Variants in ZNF536 observed in about 807,000 individuals in gnomAD.
The protein encoded by ZNF536 is zinc finger protein 536.
Under a neutral mutation model 84.5 loss-of-function variants are expected in ZNF536, and 13 were observed. That is an observed-to-expected ratio of 0.15 (90% confidence interval 0.10 to 0.24). The LOEUF (loss-of-function observed/expected upper bound fraction) is 0.24. Ranked by LOEUF, ZNF536 falls within the 10% of genes least tolerant of loss-of-function variation. The pLI is 1.00. For synonymous variants in ZNF536, 811 were observed against 742.5 expected (o/e 1.09, Z -1.50); for missense variants, 1,536 against 1,747.5 (o/e 0.88, Z 2.16).
chr19:30,398,245 A>G (rs1445186133), intron 1 of ZNF536, among the ~76,000 whole-genome samples: 7 of 152,066 alleles, frequency 4.6e-5, no homozygotes, highest in African/African-American at 7.2e-5. Context: ...TCCCTCATCT[A>G]CCCATTTCCA....
chr19:30,572,927 T>G (rs12972393), intron 1 of ZNF536, among the ~76,000 whole-genome samples: 2 of 152,280 alleles, frequency 1.3e-5, no homozygotes, highest in Middle Eastern at 3.4e-3. Context: ...CAAATTCACC[T>G]GGAAAACGTG....
chr19:30,558,115 A>G (rs1340010023), downstream of ZNF536: 1 of 152,128 alleles, frequency 6.6e-6, no homozygotes, highest in Non-Finnish European at 1.5e-5. Flanking sequence ...TCACCCCGAC[A>G]TTCTTCTCAC....
At chr19:30,485,774 A>G (rs2054281396) in intron 2 of ZNF536, among the ~76,000 whole-genome samples, 1 of 152,224 alleles carries the variant, frequency 6.6e-6, no homozygotes, top group African/African-American at 2.4e-5. Flanking sequence ...TTTGTAAAGT[A>G]GAAAATCAAA....
At chr19:30,624,952 G>A (rs936152497) in intron 1 of ZNF536, among the ~76,000 whole-genome samples, 29 of 152,122 alleles carry the variant, frequency 1.9e-4, no homozygotes, top group Non-Finnish European at 4.0e-4. Context: ...TGTGAAAAAG[G>A]ACATGTTTGC....
At chr19:30,355,990 G>A (rs1227727412) in intron 3 of ZNF536, among the ~76,000 whole-genome samples, 2 of 152,214 alleles carry the variant, frequency 1.3e-5, no homozygotes, top group Non-Finnish European at 2.9e-5. Context: ...GCCTCCCAAA[G>A]TGCAGAGATT....
chr19:30,625,977 C>T (rs1028367328), intron 1 of ZNF536, among the ~76,000 whole-genome samples: 3 of 152,198 alleles, frequency 2.0e-5, no homozygotes, highest in African/African-American at 7.2e-5. Context: ...GATTTTTTTC[C>T]ACACATGTGG....
chr19:30,280,889 T>C (rs2045418496), intron 1 of ZNF536, among the ~76,000 whole-genome samples: 3 of 152,154 alleles, frequency 2.0e-5, no homozygotes, highest in Non-Finnish European at 2.9e-5. Flanking sequence ...CCTGCTTTGG[T>C]GGACAGAGGG....
At chr19:30,234,169 A>G (rs181582729) in intron 1 of ZNF536, among the ~76,000 whole-genome samples, 1 of 152,332 alleles carries the variant, frequency 6.6e-6, no homozygotes, top group Admixed American at 6.5e-5. Flanking sequence ...AGGAGAAATG[A>G]TCACCGTAGG....
At chr19:30,360,694 C>T (rs186846099) in intron 3 of ZNF536, among the ~76,000 whole-genome samples, 65 of 152,312 alleles carry the variant, frequency 4.3e-4, no homozygotes, top group African/African-American at 1.4e-3. Context: ...ACTCGGGGTC[C>T]GACTTCCCAG....
At chr19:30,333,673 C>T (rs1191186965) in intron 2 of ZNF536, among the ~76,000 whole-genome samples, 1 of 152,190 alleles carries the variant, frequency 6.6e-6, no homozygotes, top group Admixed American at 6.5e-5. Flanking sequence ...ACCTCACTCA[C>T]ACCTTGAGCC....
intron 2 of ZNF536, among the ~76,000 whole-genome samples, chr19:30,287,213 G>A (rs2045660015): frequency 6.6e-6 from 1 of 150,778 alleles, no homozygotes; most frequent in Non-Finnish European, 1.5e-5. Context: ...ATACATAGAT[G>A]GGTGGATGGA....
At chr19:30,568,156 A>G (rs1422133096) in intron 1 of ZNF536, among the ~76,000 whole-genome samples, 1 of 152,240 alleles carries the variant, frequency 6.6e-6, no homozygotes, top group East Asian at 1.9e-4. Context: ...TAAAGAGATA[A>G]AAATGGCAAT....
chr19:30,458,300 C>T (rs1244976523), intron 2 of ZNF536, among the ~76,000 whole-genome samples: 2 of 152,032 alleles, frequency 1.3e-5, no homozygotes, highest in Non-Finnish European at 2.9e-5. Flanking sequence ...ATTTTTCCTT[C>T]ATCTTTCAAT....
At chr19:30,438,085 C>G (rs548906318) in intron 1 of ZNF536, among the ~76,000 whole-genome samples, 1 of 152,278 alleles carries the variant, frequency 6.6e-6, no homozygotes, top group East Asian at 1.9e-4. Context: ...CTGCTGGCCC[C>G]TGGCTTCCTT....
chr19:30,634,008 G>A (rs1046741891), intron 1 of ZNF536, among the ~76,000 whole-genome samples: 1 of 152,114 alleles, frequency 6.6e-6, no homozygotes, highest in Admixed American at 6.5e-5. Flanking sequence ...TACTAAGCAT[G>A]TGCCTGAAGT....
chr19:30,444,321 C>G lies in ZNF536; in HGVS notation c.759C>G (p.His253Gln), dbSNP rs1271385278. The G allele has an allele frequency of 1.3e-6, 2 of 1,589,570 alleles. No homozygotes were observed. Among genetic ancestry groups the G allele is most frequent in the Non-Finnish European group, 1.7e-6 (2 of 1,174,620 alleles). The change falls in exon 2 of 5, where the codon CAC becomes CAG. Residue 253 changes from histidine to glutamine, a missense_variant. Transcript: ENST00000355537. ...QANHSVPDVA[H>Q]PVPSPKPASV... ...ACCACAGCGTTCCCGACGTGGCCCACCCGGTGCCCTCGCCCAAGCCTGCCA... is the reference window on the plus strand; with the variant it reads ...ACCACAGCGTTCCCGACGTGGCCCAGCCGGTGCCCTCGCCCAAGCCTGCCA...
intron 1 of ZNF536, among the ~76,000 whole-genome samples, chr19:30,249,040 T>A (rs982349244): frequency 8.5e-5 from 13 of 152,238 alleles, no homozygotes; most frequent in Non-Finnish European, 1.8e-4. Flanking sequence ...GTGCCTTTCA[T>A]ACAGATTTGA....
rs183531267 is a variant in ZNF536, at chr19:30,246,345, G to A, written c.-190+17672G>A. On this transcript the variant is annotated intron_variant, in intron 1 of 5. Coordinates refer to the ZNF536 transcript ENST00000585628. ...GAATTCTTGCAGAAAAATAAAAGAC[G>A]GTAGGAATCAGAGAGGGAAAGAAGT... 2.0e-5 allele frequency among the ~76,000 whole-genome samples: 3 copies of A among 152,190 alleles called. No homozygotes were observed. In the East Asian group the frequency reaches 5.8e-4, roughly 29 times the overall value.
At chr19:30,332,988 G>A (rs571224085) in intron 2 of ZNF536, among the ~76,000 whole-genome samples, 11 of 152,180 alleles carry the variant, frequency 7.2e-5, no homozygotes, top group South Asian at 2.1e-4. Context: ...AGGCTGAGGC[G>A]GGAGGATAGC....
Sources: allele counts gnomAD v4.1 joint callset (sites outside exome capture counted in the v4.1 genomes callset), GRCh38; gene constraint gnomAD v4.1.1; transcripts MANE v1.5; gene names NCBI Gene and HGNC (gene_info 2026-07-23, HGNC 2026-07-21).